The following TAFA4 variants were observed in gnomAD, a reference collection of about 807,000 sequenced individuals.
TAFA4 encodes the protein chemokine-like protein TAFA-4.
In TAFA4, 20 loss-of-function variants were observed where a neutral mutation model predicts 21.1. That is an observed-to-expected ratio of 0.95 (90% CI 0.67 to 1.38). TAFA4 has a LOEUF of 1.38. Ranked by LOEUF, TAFA4 falls within the 40% of genes most tolerant of loss-of-function variation. The probability of loss-of-function intolerance (pLI) is 0.00; values close to 1 mark genes in which losing one functional copy is unlikely to be tolerated. For synonymous variants in TAFA4, 71 were observed against 67.4 expected, an observed-to-expected ratio of 1.05 and a Z score of -0.26; for missense variants, 211 against 180.9, an observed-to-expected ratio of 1.17 and a Z score of -0.95.
chr3:68,909,713 T>C (rs1271903778), intron 1 of TAFA4, among the ~76,000 whole-genome samples: 1 of 152,258 alleles, frequency 6.6e-6, no homozygotes, highest in African/African-American at 2.4e-5. Context: ...GTTCAAATCC[T>C]GACACGTAAT....
chr3:68,827,646 G>A (rs1377860161), intron 3 of TAFA4, among the ~76,000 whole-genome samples: 2 of 152,178 alleles, frequency 1.3e-5, no homozygotes, highest in Non-Finnish European at 2.9e-5. Flanking sequence ...GTGATGATGA[G>A]CCTTTTTTCA....
At chr3:68,867,065 C>T (rs73108696) in intron 3 of TAFA4, among the ~76,000 whole-genome samples, 1 of 151,730 alleles carries the variant, frequency 6.6e-6, no homozygotes, top group Non-Finnish European at 1.5e-5. Context: ...TATAAATATC[C>T]AGGTACAAGG....
intron 3 of TAFA4, among the ~76,000 whole-genome samples, chr3:68,826,962 T>C (rs1320591975): frequency 6.6e-6 from 1 of 152,180 alleles, no homozygotes; most frequent in Non-Finnish European, 1.5e-5. Flanking sequence ...GCTATACATG[T>C]GCCGTGTTGG....
chr3:68,888,989 G>A (rs2089704411), intron 1 of TAFA4, among the ~76,000 whole-genome samples: 2 of 152,148 alleles, frequency 1.3e-5, no homozygotes, highest in African/African-American at 4.8e-5. Flanking sequence ...CTTTGTGCAT[G>A]GCACCAAAAG....
At position 68,752,903 on chromosome 3, in the gene TAFA4, C is replaced by T. The variant is rs1391158682; in HGVS notation, c.246G>A (p.Gln82=). The T allele has an allele frequency of 6.2e-7, 1 of 1,614,120 alleles. No individual in the cohort carries two copies. Among genetic ancestry groups the T allele is most frequent in the Non-Finnish European group, 8.5e-7 (1 of 1,180,026 alleles). Residue 82 remains glutamine (Q), a synonymous_variant, in exon 4 of 6, where the codon CAG becomes CAA. Transcript: ENST00000295569. ...QTVKCSCFPG[Q]VAGTTRAQPS... ...GTTGAGCCCGAGTTGTGCCCGCCAC[C>T]TGTCCCGGGAAGCAAGAGCACTTGA...
intron 1 of TAFA4, chr3:68,916,044 T>G (rs1381537162): frequency 6.6e-6 from 1 of 152,228 alleles, no homozygotes; most frequent in Admixed American, 6.5e-5. Flanking sequence ...GAATGTGTAC[T>G]TTTGGAAATA....
chr3:68,883,966 G>A (rs1212339790), intron 2 of TAFA4, among the ~76,000 whole-genome samples: 1 of 136,424 alleles, frequency 7.3e-6, no homozygotes, highest in African/African-American at 2.8e-5. Flanking sequence ...CAGGCAGGGA[G>A]GCAGGGAGGG....
chr3:68,817,808 G>A (rs934274104), intron 3 of TAFA4, among the ~76,000 whole-genome samples: 2 of 152,052 alleles, frequency 1.3e-5, no homozygotes, highest in African/African-American at 4.8e-5. Context: ...AAAATACTCA[G>A]AAAACCATAC....
intron 3 of TAFA4, among the ~76,000 whole-genome samples, chr3:68,765,397 A>G (rs561219080): frequency 6.6e-6 from 1 of 152,338 alleles, no homozygotes; most frequent in East Asian, 1.9e-4. Flanking sequence ...TAAGTAAAAT[A>G]GGCTCCAGCA....
At chr3:68,759,388 G>C (rs1357974579) in intron 3 of TAFA4, among the ~76,000 whole-genome samples, 1 of 152,172 alleles carries the variant, frequency 6.6e-6, no homozygotes. Context: ...CATCACAGAT[G>C]TCTTACAACC....
At chr3:68,829,304 A>T (rs528677039) in intron 3 of TAFA4, among the ~76,000 whole-genome samples, 10 of 152,328 alleles carry the variant, frequency 6.6e-5, no homozygotes, top group African/African-American at 1.9e-4. Flanking sequence ...TGGGGAAAGG[A>T]TTCCCTATTT....
At chr3:68,847,573 G>C (rs568909380) in intron 3 of TAFA4, among the ~76,000 whole-genome samples, 1 of 152,294 alleles carries the variant, frequency 6.6e-6, no homozygotes, top group Non-Finnish European at 1.5e-5. Context: ...CCTGCAGTTA[G>C]CTCGGTGTCT....
At chr3:68,822,285 A>G (rs1396923329) in intron 3 of TAFA4, among the ~76,000 whole-genome samples, 2 of 152,194 alleles carry the variant, frequency 1.3e-5, no homozygotes, top group Non-Finnish European at 2.9e-5. Context: ...GAGCTATTTG[A>G]TATGCTCTCC....
chr3:68,786,427 A>G (rs911307834), intron 3 of TAFA4, among the ~76,000 whole-genome samples: 6 of 152,192 alleles, frequency 3.9e-5, no homozygotes, highest in African/African-American at 1.4e-4. Flanking sequence ...AATCACACCT[A>G]TGAGTAAACA....
chr3:68,793,260 G>C (rs1460693442), intron 3 of TAFA4, among the ~76,000 whole-genome samples: 1 of 152,078 alleles, frequency 6.6e-6, no homozygotes, highest in African/African-American at 2.4e-5. Context: ...AAATAGAAAA[G>C]GAGAATGGAA....
At chr3:68,816,954 G>A (rs1257752698) in intron 3 of TAFA4, among the ~76,000 whole-genome samples, 7 of 152,176 alleles carry the variant, frequency 4.6e-5, no homozygotes, top group Non-Finnish European at 8.8e-5. Context: ...ATTGGTGGCT[G>A]CTGACTGATC....
chr3:68,753,118 G>C, intron 3 of TAFA4, 100 bp from the exon 4 acceptor site: 1 of 1,045,926 alleles, frequency 9.6e-7, no homozygotes, highest in East Asian at 2.5e-5. Flanking sequence ...CCAACTTCCT[G>C]TGCTATGCTT....
intron 4 of TAFA4, among the ~76,000 whole-genome samples, chr3:68,751,926 A>G (rs1001270795): frequency 6.6e-6 from 1 of 152,162 alleles, no homozygotes; most frequent in Non-Finnish European, 1.5e-5. Context: ...GAAAATTTCC[A>G]CTTTCACTTT....
chr3:68,809,283 AAAAT>A (rs1473295836), intron 3 of TAFA4, among the ~76,000 whole-genome samples: 1 of 152,208 alleles, frequency 6.6e-6, no homozygotes, highest in Non-Finnish European at 1.5e-5. Flanking sequence ...AGAATCAATC[AAAAT>A]AAATGTTTCA....
Sources: allele counts gnomAD v4.1 joint callset (sites outside exome capture counted in the v4.1 genomes callset), GRCh38; gene constraint gnomAD v4.1.1; transcripts MANE v1.5; gene names NCBI Gene and HGNC (gene_info 2026-07-23, HGNC 2026-07-21).